Variants in CDKL5 observed in about 807,000 individuals in gnomAD.
CDKL5 encodes the protein cyclin dependent kinase like 5, also known as cyclin-dependent kinase-like 5.
A neutral mutation model predicts 61.7 loss-of-function variants in CDKL5; 8 were observed. That is an observed-to-expected ratio of 0.13 (90% CI 0.08 to 0.23). The LOEUF is 0.23. Ranked by LOEUF, CDKL5 falls within the 10% of genes least tolerant of loss-of-function variation. The pLI is 1.00. For synonymous variants in CDKL5, 275 were observed against 272.3 expected (o/e 1.01, Z -0.10); for missense variants, 440 against 734.5 (o/e 0.60, Z 4.63).
intron 3 of CDKL5, 100 bp downstream of exon 3, chrX:18,510,954 C>A: frequency 1.6e-6 from 1 of 617,368 alleles, no homozygotes; most frequent in Non-Finnish European, 2.6e-6. Flanking sequence ...GTTGAGCATT[C>A]CTTATCTGAA....
chrX:18,635,018 C>A lies in CDKL5; in HGVS notation c.*6261C>A, dbSNP rs994640602. ...TTCTTAATTGCACAGACTTTATAAT[C>A]CATTATATAAAGTGTAATTCCATAC... On this transcript the variant is annotated 3_prime_UTR_variant, in exon 18 of 18. Transcript: ENST00000623535. 2.9e-4 allele frequency: 217 copies of A among 742,445 alleles called. No individual in the cohort carries two copies. The highest frequency in any genetic ancestry group is 3.3e-4 in the Non-Finnish European group (211 of 633,879). 61.2% of individuals were successfully genotyped at this position (742,445 alleles called of 1,213,427 possible).
chrX:18,602,769 A>G (rs780208874), intron 11 of CDKL5, among the ~76,000 whole-genome samples: 25 of 111,747 alleles, frequency 2.2e-4, no homozygotes, highest in African/African-American at 7.5e-4. Flanking sequence ...TTCACAGACT[A>G]CCATTCTACA....
chrX:18,646,758 C>T (rs762394152), intron 20 of CDKL5, among the ~76,000 whole-genome samples: 11 of 111,365 alleles, frequency 9.9e-5, no homozygotes, highest in South Asian at 3.8e-4. Flanking sequence ...CTGTACCCCA[C>T]GCCTCTTCCC....
chrX:18,644,532 C>T (rs1602310719), downstream of CDKL5: 1 of 1,209,431 alleles, frequency 8.3e-7, no homozygotes, highest in Admixed American at 2.2e-5. Flanking sequence ...TGTCACAGCG[C>T]CCCTGGGTGA....
At chrX:18,475,417 C>A (rs974163474) in intron 1 of CDKL5, among the ~76,000 whole-genome samples, 1 of 111,051 alleles carries the variant, frequency 9.0e-6, no homozygotes. Flanking sequence ...ACCTCAGCCT[C>A]CTGAGTAGCT....
chrX:18,479,075 A>G (rs373567242), intron 1 of CDKL5, among the ~76,000 whole-genome samples: 5 of 109,613 alleles, frequency 4.6e-5, no homozygotes, highest in African/African-American at 1.7e-4. Flanking sequence ...CTGGTCTTGA[A>G]CTCCTGGCCT....
intron 1 of CDKL5, among the ~76,000 whole-genome samples, chrX:18,504,796 G>A (rs1168785425): frequency 9.1e-6 from 1 of 110,078 alleles, no homozygotes; most frequent in Non-Finnish European, 1.9e-5. Flanking sequence ...AGCCGGGCAT[G>A]GTGGCGCGTG....
intron 1 of CDKL5, among the ~76,000 whole-genome samples, chrX:18,450,200 A>G (rs1002427948): frequency 8.9e-6 from 1 of 111,992 alleles, no homozygotes; most frequent in African/African-American, 3.2e-5. Context: ...CAAATGTAAG[A>G]TATGTTGCTC....
intron 3 of CDKL5, among the ~76,000 whole-genome samples, chrX:18,554,665 T>G (rs1924535963): frequency 9.0e-6 from 1 of 110,570 alleles, no homozygotes; most frequent in Non-Finnish European, 1.9e-5. Flanking sequence ...ATCCGTCCGC[T>G]TCGGCCTCCC....
chrX:18,650,436 A>G, exon 21 of CDKL5: 1 of 1,211,641 alleles, frequency 8.3e-7, no homozygotes, highest in Non-Finnish European at 1.1e-6. Flanking sequence ...TGGTGACCCA[A>G]AGAAGCCTCA....
intron 3 of CDKL5, among the ~76,000 whole-genome samples, chrX:18,542,734 A>G (rs981199722): frequency 9.3e-6 from 1 of 107,454 alleles, no homozygotes; most frequent in Admixed American, 1.0e-4. Flanking sequence ...GTGTTTTAGC[A>G]GGTAGCCACC....
chrX:18,614,412 T>G (rs1396949240), intron 15 of CDKL5, among the ~76,000 whole-genome samples: 1 of 112,590 alleles, frequency 8.9e-6, no homozygotes. Flanking sequence ...ATAGGATATC[T>G]TGGTTGATGG....
chrX:18,520,361 T>C (rs969884450), intron 3 of CDKL5, among the ~76,000 whole-genome samples: 42 of 112,577 alleles, frequency 3.7e-4, no homozygotes, highest in African/African-American at 1.1e-3. Context: ...TGTGTTTGGC[T>C]TCTTTGACCT....
Position 18,634,495 on chromosome X carries a change from A to G in CDKL5, c.*5738A>G. 1 of 754,267 alleles carries G rather than the reference A, an allele frequency of 1.3e-6. No homozygotes were observed. The highest frequency in any genetic ancestry group is 1.6e-6 in the Non-Finnish European group (1 of 639,299). The allele number at this position is 754,267 out of a possible 1,213,427, so 62.2% of individuals were successfully genotyped here. The stretch of plus-strand genomic sequence containing the variant: ...GTTTCATGGAAAAACAAAACAAAAC[A>G]AAAAAGATGCTTATCGTCCCGGAGA... On this transcript the variant is annotated 3_prime_UTR_variant, in exon 18 of 18. Transcript: ENST00000623535.
rs1316225053 is a variant in CDKL5, at chrX:18,632,705, C to T, written c.*3948C>T. The stretch of plus-strand genomic sequence containing the variant: ...GAGCTATGCTGTCAGTCTCTAGTCA[C>T]GCCATGTATTATAAAGTATGTTGTG... On this transcript the variant is annotated 3_prime_UTR_variant, in exon 18 of 18. Coordinates refer to ENST00000623535, the MANE Select transcript of CDKL5 (RefSeq NM_001323289.2). The T allele has an allele frequency of 6.6e-6, 5 of 753,678 alleles. No individual in the cohort carries two copies. Among genetic ancestry groups the T allele is most frequent in the South Asian group, 6.7e-5 (1 of 14,843 alleles). 62.1% of individuals were successfully genotyped at this position (753,678 alleles called of 1,213,427 possible). A position where few individuals can be genotyped will look rare whatever the true frequency, so the allele number is the denominator to read the frequency against.
chrX:18,591,288 A>T (rs1925821283), intron 9 of CDKL5, among the ~76,000 whole-genome samples: 1 of 112,082 alleles, frequency 8.9e-6, no homozygotes, highest in Admixed American at 9.5e-5. Flanking sequence ...GCAGAAATCA[A>T]CTGTTTTATC....
chrX:18,506,904 T>A (rs1444983090), intron 1 of CDKL5, 31 bp from the exon 2 acceptor site: 10 of 424,533 alleles, frequency 2.4e-5, no homozygotes, highest in Non-Finnish European at 3.3e-5. Context: ...ATATAAAACT[T>A]ACAGCTTTTA....
intron 14 of CDKL5, among the ~76,000 whole-genome samples, chrX:18,610,467 C>G (rs1243313527): frequency 8.9e-6 from 1 of 112,806 alleles, no homozygotes; most frequent in Non-Finnish European, 1.9e-5. Flanking sequence ...TGCACTGATT[C>G]TTTGTCTGAG....
intron 1 of CDKL5, among the ~76,000 whole-genome samples, chrX:18,501,663 C>T (rs1355854449): frequency 3.6e-5 from 4 of 111,114 alleles, no homozygotes; most frequent in Non-Finnish European, 7.5e-5. Context: ...ATTCTCCTGT[C>T]TCAGCCTCTC....
Sources: allele counts gnomAD v4.1 joint callset (sites outside exome capture counted in the v4.1 genomes callset), GRCh38; gene constraint gnomAD v4.1.1; transcripts MANE v1.5; gene names NCBI Gene and HGNC (gene_info 2026-07-23, HGNC 2026-07-21).